ZNF609: variants seen among roughly 807,000 people sequenced by gnomAD.
ZNF609 encodes the protein zinc finger protein 609.
Under a neutral mutation model 109.5 loss-of-function variants are expected in ZNF609, and 11 were observed. The observed-to-expected ratio is 0.10, with a 90% confidence interval of 0.06 to 0.17. The LOEUF is 0.17. Ranked by LOEUF, ZNF609 falls within the 10% of genes least tolerant of loss-of-function variation. ZNF609 has a pLI of 1.00. For missense variants in ZNF609, 1,559 were observed against 1,772.4 expected (o/e 0.88, Z 2.16); for synonymous variants, 646 against 662.0 (o/e 0.98, Z 0.37).
intron 1 of ZNF609, among the ~76,000 whole-genome samples, chr15:64,465,347 A>T (rs1596373007): frequency 6.6e-6 from 1 of 151,706 alleles, no homozygotes; most frequent in East Asian, 2.0e-4. Flanking sequence ...CCCCACATGA[A>T]GTTTGCATCT....
At chr15:64,616,241 G>A (rs1331147868) in intron 2 of ZNF609, among the ~76,000 whole-genome samples, 2 of 151,918 alleles carry the variant, frequency 1.3e-5, no homozygotes, top group African/African-American at 2.4e-5. Flanking sequence ...CAATCCTCCC[G>A]CCTTGGCCTC....
intron 2 of ZNF609, among the ~76,000 whole-genome samples, chr15:64,517,250 G>T (rs577830321): frequency 1.3e-5 from 2 of 152,224 alleles, no homozygotes; most frequent in African/African-American, 4.8e-5. Flanking sequence ...AGTGGTGCAT[G>T]CCTGTAGTCC....
intron 2 of ZNF609, among the ~76,000 whole-genome samples, chr15:64,601,985 C>A (rs1339275024): frequency 6.6e-6 from 1 of 152,130 alleles, no homozygotes; most frequent in Admixed American, 6.6e-5. Flanking sequence ...AACCTTCCTG[C>A]AGCTCTGTTT....
Position 64,593,050 on chromosome 15 carries a change from T to C in ZNF609, c.748-29777T>C, listed in dbSNP as rs563707406. The C allele has an allele frequency of 2.5e-4, 392 of 1,587,948 alleles. 6 individuals carry two copies. The South Asian group carries it at 3.9e-3, about 16-fold the overall frequency. The stretch of plus-strand genomic sequence containing the variant: ...GCCACATGCAGCCTATTCGCTGCAC[T>C]AACTGTGCCCGATGCGTGCCCAAAG... On this transcript the variant is annotated intron_variant, in intron 2 of 9. Transcript: ENST00000326648.
At chr15:64,621,386 G>A (rs1300074634) in intron 2 of ZNF609, among the ~76,000 whole-genome samples, 1 of 149,608 alleles carries the variant, frequency 6.7e-6, no homozygotes, top group East Asian at 1.9e-4. Flanking sequence ...ATTTCACTCT[G>A]TCACCCAGAC....
chr15:64,615,027 C>G (rs991376441), intron 2 of ZNF609, among the ~76,000 whole-genome samples: 1 of 152,078 alleles, frequency 6.6e-6, no homozygotes. Context: ...CCCTGTTGGC[C>G]AGGCTCGTCT....
At chr15:64,644,480 C>A (rs540075274) in intron 3 of ZNF609, among the ~76,000 whole-genome samples, 1 of 152,154 alleles carries the variant, frequency 6.6e-6, no homozygotes, top group South Asian at 2.1e-4. Context: ...AAGAGTGAGA[C>A]CCTGTGTCAA....
intron 1 of ZNF609, among the ~76,000 whole-genome samples, chr15:64,490,310 G>A (rs182955654): frequency 4.4e-5 from 6 of 137,906 alleles, no homozygotes; most frequent in African/African-American, 1.4e-4. Context: ...TTTTGCTCCC[G>A]TTGCCCAGGC....
chr15:64,513,692 T>G lies in ZNF609; in HGVS notation c.747+13526T>G, dbSNP rs542330694. 2.6e-5 allele frequency among the ~76,000 whole-genome samples: 4 copies of G among 152,324 alleles called. No homozygotes were observed. The South Asian group carries it at 8.3e-4, about 32-fold the overall frequency. ...CATAAGAGCTGACTTGTGTGAGAGCTAGACTATATTAATGAAAAATATGTA... is the reference window on the plus strand; with the variant it reads ...CATAAGAGCTGACTTGTGTGAGAGCGAGACTATATTAATGAAAAATATGTA... On this transcript the variant is annotated intron_variant, in intron 2 of 9. Coordinates refer to ENST00000326648, the MANE Select transcript of ZNF609 (RefSeq NM_015042.2).
chr15:64,508,662 C>T (rs72741373), intron 2 of ZNF609, among the ~76,000 whole-genome samples: 7,221 of 151,058 alleles, frequency 0.048, 230 homozygotes, highest in South Asian at 0.086. Context: ...AAGTTAGAAA[C>T]TCTAGGCTTG....
At chr15:64,676,440 A>T (rs1052201298) in intron 5 of ZNF609, among the ~76,000 whole-genome samples, 184 bp downstream of exon 5, 2 of 151,630 alleles carry the variant, frequency 1.3e-5, no homozygotes, top group Non-Finnish European at 2.9e-5. Flanking sequence ...TAGTATTATT[A>T]TTTTTTTTGA....
chr15:64,531,281 T>G (rs1894057282), intron 2 of ZNF609, among the ~76,000 whole-genome samples: 2 of 152,192 alleles, frequency 1.3e-5, no homozygotes, highest in African/African-American at 4.8e-5. Flanking sequence ...TTGGCCAAAT[T>G]AATGTCAGTT....
intron 1 of ZNF609, among the ~76,000 whole-genome samples, chr15:64,485,033 G>A (rs1000467339): frequency 1.3e-5 from 2 of 152,150 alleles, no homozygotes; most frequent in African/African-American, 4.8e-5. Context: ...TTAACTTAGT[G>A]TACTGCCACG....
chr15:64,529,476 C>T (rs1567006434), intron 2 of ZNF609: 2 of 1,055,388 alleles, frequency 1.9e-6, no homozygotes, highest in South Asian at 1.2e-5. Flanking sequence ...TGACAAGCGT[C>T]CCGTTCTCAG....
At chr15:64,650,772 A>G (rs1896405266) in intron 3 of ZNF609, among the ~76,000 whole-genome samples, 1 of 152,146 alleles carries the variant, frequency 6.6e-6, no homozygotes. Flanking sequence ...AATATTCAAA[A>G]GAGTCTGTAG....
rs559647131 is a variant in ZNF609 at position 64,508,572 on chromosome 15, A to C, written c.747+8406A>C. The stretch of plus-strand genomic sequence containing the variant: ...GAGGGGACTACTTTCTTTTCCCTTC[A>C]TATAAATTAGTGGGCCCTGTATCAG... On this transcript the variant is annotated intron_variant, in intron 2 of 9. Transcript: ENST00000326648. Among the ~76,000 whole-genome samples, 23 of 152,256 alleles carry C rather than the reference A, an allele frequency of 1.5e-4. No homozygotes were observed. In the East Asian group the frequency reaches 4.4e-3, roughly 29 times the overall value.
chr15:64,473,798 C>T (rs2140331887), intron 1 of ZNF609, among the ~76,000 whole-genome samples: 1 of 151,988 alleles, frequency 6.6e-6, no homozygotes, highest in African/African-American at 2.4e-5. Context: ...GAGATGGAGT[C>T]TCAGTCTGTC....
chr15:64,494,319 A>T (rs1893452801), intron 1 of ZNF609, among the ~76,000 whole-genome samples: 1 of 152,150 alleles, frequency 6.6e-6, no homozygotes, highest in African/African-American at 2.4e-5. Flanking sequence ...TCTTTTATGT[A>T]TTTGCTTCAC....
chr15:64,588,177 C>T (rs1895228685), intron 2 of ZNF609, among the ~76,000 whole-genome samples: 1 of 150,254 alleles, frequency 6.7e-6, no homozygotes, highest in Admixed American at 6.6e-5. Context: ...GCCTGTAATC[C>T]CAGCACTTTG....
Sources: allele counts gnomAD v4.1 joint callset (sites outside exome capture counted in the v4.1 genomes callset), GRCh38; gene constraint gnomAD v4.1.1; transcripts MANE v1.5; gene names NCBI Gene and HGNC (gene_info 2026-07-23, HGNC 2026-07-21).